Variants in COL26A1 observed in about 807,000 individuals in gnomAD.
COL26A1 encodes the protein collagen alpha-1(XXVI) chain.
In COL26A1, 41 loss-of-function variants were observed where a neutral mutation model predicts 59.3. The ratio of observed to expected loss-of-function variants is 0.69; its 90% CI spans 0.54 to 0.90. COL26A1 has a LOEUF of 0.90. Ranked by LOEUF, COL26A1 falls within the 40% of genes least tolerant of loss-of-function variation. The pLI, the probability that COL26A1 is intolerant of heterozygous loss-of-function variation, is 0.00. For missense variants in COL26A1, 612 were observed against 602.3 expected (o/e 1.02, Z -0.17); for synonymous variants, 266 against 256.0 (o/e 1.04, Z -0.37).
chr7:101,378,749 A>T (rs1170016602), intron 1 of COL26A1, among the ~76,000 whole-genome samples: 1 of 150,226 alleles, frequency 6.7e-6, no homozygotes, highest in African/African-American at 2.5e-5. Flanking sequence ...TTGATCTCCC[A>T]CCCCCTTTCT....
chr7:101,423,423 CT>C (rs961159856), intron 2 of COL26A1, among the ~76,000 whole-genome samples: 1 of 152,110 alleles, frequency 6.6e-6, no homozygotes, highest in African/African-American at 2.4e-5. Context: ...AAGTAATTAT[CT>C]GAACAATGTT....
intron 3 of COL26A1, among the ~76,000 whole-genome samples, chr7:101,509,241 T>G (rs1049529620): frequency 6.6e-6 from 1 of 151,900 alleles, no homozygotes; most frequent in Non-Finnish European, 1.5e-5. Context: ...GGTCAGGAGT[T>G]TGAGACCAGC....
intron 2 of COL26A1, among the ~76,000 whole-genome samples, chr7:101,445,519 C>G (rs550724276): frequency 6.7e-6 from 1 of 150,046 alleles, no homozygotes; most frequent in South Asian, 2.1e-4. Context: ...ATCACGAGGT[C>G]AGGAGATCGA....
At chr7:101,388,217 A>G (rs552682191) in intron 1 of COL26A1, among the ~76,000 whole-genome samples, 251 of 152,008 alleles carry the variant, frequency 1.7e-3, no homozygotes, top group African/African-American at 5.7e-3. Flanking sequence ...TCACGCCTGT[A>G]ATCCCAGTAC....
intron 3 of COL26A1, among the ~76,000 whole-genome samples, chr7:101,454,703 C>T (rs1170340947): frequency 6.6e-6 from 1 of 152,164 alleles, no homozygotes; most frequent in Non-Finnish European, 1.5e-5. Flanking sequence ...TGTGATGTTC[C>T]TTGCGGAGAA....
At chr7:101,528,904 G>A (rs550667095) in intron 3 of COL26A1, among the ~76,000 whole-genome samples, 17 of 152,054 alleles carry the variant, frequency 1.1e-4, no homozygotes, top group Non-Finnish European at 2.1e-4. Context: ...TGTGGCTCAC[G>A]CCTGTCATCT....
chr7:101,464,181 G>A (rs1793700617), intron 3 of COL26A1, among the ~76,000 whole-genome samples: 1 of 151,612 alleles, frequency 6.6e-6, no homozygotes, highest in South Asian at 2.1e-4. Flanking sequence ...GCCCAGGCTG[G>A]TATGGAACTC....
At chr7:101,437,256 G>A (rs1475345897) in intron 2 of COL26A1, among the ~76,000 whole-genome samples, 1 of 152,148 alleles carries the variant, frequency 6.6e-6, no homozygotes, top group Non-Finnish European at 1.5e-5. Flanking sequence ...AAGGGACCGA[G>A]TGTGGGCTAG....
chr7:101,458,937 G>C (rs1241857465), intron 3 of COL26A1, among the ~76,000 whole-genome samples: 8 of 151,896 alleles, frequency 5.3e-5, no homozygotes, highest in Admixed American at 1.3e-4. Context: ...GAGTAGCTGG[G>C]ACTACAGATG....
intron 3 of COL26A1, among the ~76,000 whole-genome samples, chr7:101,457,125 G>A (rs551766959): frequency 1.3e-5 from 2 of 152,266 alleles, no homozygotes; most frequent in Admixed American, 1.3e-4. Context: ...GTTTGGGGAT[G>A]CCATCATAGG....
intron 1 of COL26A1, among the ~76,000 whole-genome samples, chr7:101,371,499 A>ATT (rs768968472): frequency 2.0e-5 from 3 of 150,364 alleles, no homozygotes; most frequent in Admixed American, 6.6e-5. Flanking sequence ...AAAAAAAAAA[A>ATT]TTAAAAAATT....
chr7:101,395,312 ATCTT>A (rs1237168138), intron 1 of COL26A1, among the ~76,000 whole-genome samples: 1 of 152,220 alleles, frequency 6.6e-6, no homozygotes, highest in African/African-American at 2.4e-5. Context: ...ATTAAAAGAA[ATCTT>A]TCTCGTAGGA....
Position 101,546,030 on chromosome 7 carries a change from C to T in COL26A1, c.856+540C>T, listed in dbSNP as rs149023390. 3.9e-4 allele frequency among the ~76,000 whole-genome samples: 59 copies of T among 152,306 alleles called. 1 individual carries two copies. Among genetic ancestry groups the T allele is most frequent in the African/African-American group, 1.2e-3 (51 of 41,564 alleles). ...AATGTGCAAAACAAACTCCGGCCCT[C>T]GGGGGCACCGGCCAGTCCAAGAGAG... On this transcript the variant is annotated intron_variant, in intron 7 of 12. Transcript: ENST00000313669.
intron 2 of COL26A1, among the ~76,000 whole-genome samples, chr7:101,437,835 C>CA (rs1046900241): frequency 6.6e-6 from 1 of 151,766 alleles, no homozygotes; most frequent in Admixed American, 6.6e-5. Context: ...CTCAGCCTCC[C>CA]AAGTACGTGG....
intron 2 of COL26A1, among the ~76,000 whole-genome samples, chr7:101,430,544 T>C (rs557116135): frequency 3.4e-5 from 5 of 146,910 alleles, no homozygotes; most frequent in African/African-American, 1.3e-4. Context: ...CTGCCTCAGC[T>C]TCCCAAAGTG....
intron 12 of COL26A1, among the ~76,000 whole-genome samples, 186 bp from the exon 13 acceptor site, chr7:101,557,184 A>T (rs922023909): frequency 1.3e-5 from 2 of 152,174 alleles, no homozygotes; most frequent in Non-Finnish European, 2.9e-5. Context: ...TGGGTGAATG[A>T]GTGAATGAAT....
chr7:101,415,044 T>C (rs1041729006), intron 1 of COL26A1, among the ~76,000 whole-genome samples: 2 of 152,196 alleles, frequency 1.3e-5, no homozygotes, highest in Non-Finnish European at 2.9e-5. Context: ...GATTCCTTTG[T>C]AGGGTTTAAG....
At chr7:101,475,585 A>T (rs1409759265) in intron 3 of COL26A1, among the ~76,000 whole-genome samples, 1 of 151,944 alleles carries the variant, frequency 6.6e-6, no homozygotes, top group East Asian at 1.9e-4. Flanking sequence ...AGGGCCACTA[A>T]GTTACGGGCT....
chr7:101,511,988 C>A (rs1794936309), intron 3 of COL26A1, among the ~76,000 whole-genome samples: 1 of 152,030 alleles, frequency 6.6e-6, no homozygotes, highest in Admixed American at 6.6e-5. Flanking sequence ...CAGAGTGAGA[C>A]CCTGTCTCTA....
Sources: allele counts gnomAD v4.1 joint callset (sites outside exome capture counted in the v4.1 genomes callset), GRCh38; gene constraint gnomAD v4.1.1; transcripts MANE v1.5; gene names NCBI Gene and HGNC (gene_info 2026-07-23, HGNC 2026-07-21).